IL1RAPL1: variants seen among roughly 807,000 people sequenced by gnomAD.
The protein encoded by IL1RAPL1 is interleukin-1 receptor accessory protein-like 1.
In IL1RAPL1, 3 loss-of-function variants were observed where a neutral mutation model predicts 48.4. The observed-to-expected ratio is 0.06, with a 90% CI of 0.03 to 0.16. The LOEUF (loss-of-function observed/expected upper bound fraction) is 0.16, where lower values mean the gene tolerates loss of function less well. Among genes scored for constraint, IL1RAPL1 ranks in the 10% least tolerant of loss-of-function variants. The pLI is 1.00. For missense variants in IL1RAPL1, 349 were observed against 530.6 expected, an observed-to-expected ratio of 0.66 and a Z score of 3.36; for synonymous variants, 185 against 187.7, an observed-to-expected ratio of 0.99 and a Z score of 0.12.
At chrX:29,502,153 A>G (rs781650000) in intron 5 of IL1RAPL1, among the ~76,000 whole-genome samples, 1 of 111,089 alleles carries the variant, frequency 9.0e-6, no homozygotes. Context: ...TATAAATGCT[A>G]TTCATATTTA....
intron 2 of IL1RAPL1, among the ~76,000 whole-genome samples, chrX:29,061,246 C>T (rs903662413): frequency 9.0e-6 from 1 of 111,323 alleles, no homozygotes; most frequent in Non-Finnish European, 1.9e-5. Context: ...AACACTATAC[C>T]AGACTATAAG....
intron 2 of IL1RAPL1, among the ~76,000 whole-genome samples, chrX:29,147,167 G>A (rs1053923788): frequency 1.8e-5 from 2 of 111,802 alleles, no homozygotes; most frequent in African/African-American, 6.5e-5. Context: ...ATGTAAATAC[G>A]TTAGGAGCAA....
intron 5 of IL1RAPL1, among the ~76,000 whole-genome samples, chrX:29,602,639 G>A (rs986111552): frequency 3.6e-5 from 4 of 112,018 alleles, no homozygotes; most frequent in Admixed American, 1.9e-4. Context: ...AATCCTTAAT[G>A]GAAAAGGAAA....
At chrX:29,742,291 G>T (rs1216728557) in intron 6 of IL1RAPL1, among the ~76,000 whole-genome samples, 2 of 111,732 alleles carry the variant, frequency 1.8e-5, no homozygotes, top group African/African-American at 6.5e-5. Flanking sequence ...TCAGGTAAAT[G>T]AATTTGTAAT....
At chrX:28,792,156 A>G (rs1042150455) in intron 2 of IL1RAPL1, among the ~76,000 whole-genome samples, 2 of 111,765 alleles carry the variant, frequency 1.8e-5, no homozygotes, top group Admixed American at 9.5e-5. Context: ...GTCAGTAAAC[A>G]TGACTCAAAA....
intron 2 of IL1RAPL1, among the ~76,000 whole-genome samples, chrX:28,987,523 T>TACACACAC (rs774101598): frequency 9.0e-6 from 1 of 111,046 alleles, no homozygotes; most frequent in Non-Finnish European, 1.9e-5. Flanking sequence ...CACACACACA[T>TACACACAC]ACACACACAC....
At chrX:29,080,968 CTTTCTTTCTT>C (rs1927801231) in intron 2 of IL1RAPL1, among the ~76,000 whole-genome samples, 1 of 42,541 alleles carries the variant, frequency 2.4e-5, no homozygotes, top group East Asian at 1.0e-3. Context: ...TTCTTTCTTT[CTTTCTTTCTT>C]TCTTTCTTTC....
At chrX:28,742,312 T>C (rs1459256240) in intron 1 of IL1RAPL1, among the ~76,000 whole-genome samples, 1 of 111,528 alleles carries the variant, frequency 9.0e-6, no homozygotes, top group Non-Finnish European at 1.9e-5. Flanking sequence ...AATAATTATG[T>C]TTAGTGCAAG....
chrX:29,473,221 A>G (rs1934939724), intron 5 of IL1RAPL1, among the ~76,000 whole-genome samples: 1 of 111,224 alleles, frequency 9.0e-6, no homozygotes, highest in Non-Finnish European at 1.9e-5. Flanking sequence ...CTTTGTGCAA[A>G]TTTTTGTTTT....
intron 6 of IL1RAPL1, among the ~76,000 whole-genome samples, chrX:29,803,122 T>C (rs1218945619): frequency 2.1e-5 from 2 of 93,125 alleles, no homozygotes; most frequent in Non-Finnish European, 4.3e-5. Flanking sequence ...TATATATGTG[T>C]ATACATGTAT....
At chrX:28,690,916 A>G (rs1160927411) in intron 1 of IL1RAPL1, among the ~76,000 whole-genome samples, 2 of 111,260 alleles carry the variant, frequency 1.8e-5, no homozygotes, top group African/African-American at 6.5e-5. Context: ...TCTACATTCC[A>G]CTGCTATCAC....
chrX:29,773,636 G>C (rs949318887), intron 6 of IL1RAPL1, among the ~76,000 whole-genome samples: 1 of 111,622 alleles, frequency 9.0e-6, no homozygotes, highest in African/African-American at 3.3e-5. Flanking sequence ...AGAATTGCAG[G>C]CTGTAGCAAA....
chrX:28,834,253 C>T (rs998622497), intron 2 of IL1RAPL1, among the ~76,000 whole-genome samples: 13 of 107,534 alleles, frequency 1.2e-4, no homozygotes, highest in Admixed American at 3.9e-4. Context: ...GGAATTATAC[C>T]GTAGGCAATT....
intron 5 of IL1RAPL1, among the ~76,000 whole-genome samples, chrX:29,575,307 C>T (rs1416385926): frequency 8.9e-6 from 1 of 111,847 alleles, no homozygotes; most frequent in Non-Finnish European, 1.9e-5. Flanking sequence ...CCCCAAAAGT[C>T]TCCAAGCTGG....
At chrX:28,880,383 A>G (rs1032653293) in intron 2 of IL1RAPL1, among the ~76,000 whole-genome samples, 3 of 112,260 alleles carry the variant, frequency 2.7e-5, no homozygotes, top group African/African-American at 9.7e-5. Flanking sequence ...CTCTGTTTGA[A>G]TATCCTTAGT....
intron 2 of IL1RAPL1, among the ~76,000 whole-genome samples, chrX:29,164,346 T>C (rs1929744761): frequency 1.8e-5 from 2 of 111,978 alleles, no homozygotes; most frequent in Admixed American, 1.9e-4. Flanking sequence ...AATTGACTTA[T>C]AAATAAATGT....
chrX:29,316,168 C>T (rs1279710687), intron 3 of IL1RAPL1, among the ~76,000 whole-genome samples: 4 of 111,973 alleles, frequency 3.6e-5, no homozygotes, highest in East Asian at 2.8e-4. Flanking sequence ...AGGCCATTCC[C>T]GGACTGCTTT....
Position 29,160,859 on chromosome X carries a change from G to A in IL1RAPL1, c.83-122079G>A, listed in dbSNP as rs1929668788. Among the ~76,000 whole-genome samples the A allele has an allele frequency of 3.6e-5, 4 of 112,004 alleles. No homozygotes were observed. In the South Asian group the frequency reaches 1.5e-3, roughly 41 times the overall value. On this transcript the variant is annotated intron_variant, in intron 2 of 10. Transcript: ENST00000378993. ...GCCTGAGGTCAGGAGTTCGAGACCA[G>A]CCTGGCCAACATGGTGAAACCCTGT...
intron 2 of IL1RAPL1, among the ~76,000 whole-genome samples, chrX:29,234,661 A>G (rs1931258507): frequency 8.9e-6 from 1 of 112,082 alleles, no homozygotes; most frequent in Admixed American, 9.5e-5. Flanking sequence ...AGAAGAGGGA[A>G]GGTATATAAT....
Sources: allele counts gnomAD v4.1 joint callset (sites outside exome capture counted in the v4.1 genomes callset), GRCh38; gene constraint gnomAD v4.1.1; transcripts MANE v1.5; gene names NCBI Gene and HGNC (gene_info 2026-07-23, HGNC 2026-07-21).